Variants in MYO15A observed in about 807,000 individuals in gnomAD.
The protein encoded by MYO15A is unconventional myosin-XV.
Under a neutral mutation model 394.6 loss-of-function variants are expected in MYO15A, and 308 were observed. The observed-to-expected ratio is 0.78, with a 90% CI of 0.71 to 0.86. The LOEUF is 0.86. MYO15A is among the 40% of genes least tolerant of loss of function. The pLI, the probability that MYO15A is intolerant of heterozygous loss-of-function variation, is 0.00. For synonymous variants in MYO15A, 1,957 were observed against 2,003.8 expected (o/e 0.98, Z 0.62); for missense variants, 4,606 against 4,799.1 (o/e 0.96, Z 1.19).
At chr17:18,158,871 G>T in intron 52 of MYO15A, 54 bp from the exon 53 acceptor site, 1 of 1,601,986 alleles carries the variant, frequency 6.2e-7, no homozygotes, top group Non-Finnish European at 8.6e-7. Flanking sequence ...TGTGGAAAAG[G>T]ATGTAGCCAA....
chr17:18,129,024 C>T (rs563720076), intron 7 of MYO15A, among the ~76,000 whole-genome samples: 1 of 152,332 alleles, frequency 6.6e-6, no homozygotes, highest in Non-Finnish European at 1.5e-5. Context: ...GATCCAGAAT[C>T]TTAAACAATG....
At chr17:18,175,582 C>T (rs1414935362) in intron 65 of MYO15A, among the ~76,000 whole-genome samples, 3 of 151,890 alleles carry the variant, frequency 2.0e-5, no homozygotes, top group African/African-American at 7.3e-5. Flanking sequence ...ATGTGTAAGC[C>T]ACCACTCCTG....
rs749146534 is a variant in MYO15A, at chr17:18,119,334, C to A, written c.534C>A (p.Ala178=). The A allele has an allele frequency of 1.2e-6, 2 of 1,609,566 alleles. No homozygotes were observed. The highest frequency in any genetic ancestry group is 4.5e-5 in the East Asian group (2 of 44,840). ...GSRKLPFPSG[A]EILRPGGRLR... is the part of the protein sequence containing the mutation. ...GCAAACTCCCCTTCCCGTCGGGTGC[C>A]GAGATCCTGCGGCCTGGGGGCCGGC... Residue 178 remains alanine, a synonymous_variant, in exon 2 of 66, where the codon GCC becomes GCA. Coordinates refer to ENST00000647165, the MANE Select transcript of MYO15A (RefSeq NM_016239.4).
intron 65 of MYO15A, among the ~76,000 whole-genome samples, chr17:18,175,224 C>T (rs2046998224): frequency 6.6e-6 from 1 of 151,398 alleles, no homozygotes; most frequent in Admixed American, 6.6e-5. Context: ...CAGCCTTCTC[C>T]AGCCTTCTTG....
In MYO15A at chr17:18,157,716, C is replaced by T. The variant is rs2046700240; in HGVS notation, c.8789-6C>T. The T allele has an allele frequency of 1.9e-6, 3 of 1,605,350 alleles. No homozygotes were observed. The highest frequency in any genetic ancestry group is 2.5e-6 in the Non-Finnish European group (3 of 1,179,872). The stretch of plus-strand genomic sequence containing the variant: ...TGTTTGCCTCAGACCTTTTACCCAC[C>T]CCTAGGCTGGAGGTTCGGGACCATC... On this transcript the variant is annotated splice_polypyrimidine_tract_variant and splice_region_variant and intron_variant, in intron 50 of 65. Transcript: ENST00000647165.
In MYO15A at chr17:18,113,739, C is replaced by CA. The variant is rs72282387; in HGVS notation, c.-219-4829dup. 5.1e-3 allele frequency among the ~76,000 whole-genome samples: 612 copies of CA among 119,384 alleles called. 2 individuals are homozygous for CA. Among genetic ancestry groups the CA allele is most frequent in the African/African-American group, 0.011 (351 of 30,998 alleles). 78.3% of individuals were successfully genotyped at this position (119,384 alleles called of 152,430 possible). A position where few individuals can be genotyped will look rare whatever the true frequency, so the allele number is the denominator to read the frequency against. ...CCCGGTTGACGGAGTGAGACTGTCT[C>CA]AAAAAAAAAAAAAAGGCAAACATAA... On this transcript the variant is annotated intron_variant, in intron 1 of 65. Coordinates refer to ENST00000647165, the MANE Select transcript of MYO15A (RefSeq NM_016239.4).
intron 7 of MYO15A, among the ~76,000 whole-genome samples, chr17:18,127,840 T>G (rs924311508): frequency 3.8e-4 from 24 of 63,074 alleles, no homozygotes; most frequent in Admixed American, 4.8e-4. Flanking sequence ...AAAAGATATA[T>G]ATATATATAT....
Position 18,139,521 on chromosome 17 carries a change from T to C in MYO15A, c.5134-13T>C, listed in dbSNP as rs752482203. ...GAGGCCAGGATTACCCAGGCCATTGTTCCCCTTTTCAGGTGCACAAGTTCC... is the reference window on the plus strand; with the variant it reads ...GAGGCCAGGATTACCCAGGCCATTGCTCCCCTTTTCAGGTGCACAAGTTCC... On this transcript the variant is annotated splice_polypyrimidine_tract_variant and intron_variant, in intron 18 of 65. Transcript: ENST00000647165. 22 of 1,613,302 alleles carry C rather than the reference T, an allele frequency of 1.4e-5. No homozygotes were observed. Among genetic ancestry groups the C allele is most frequent in the Non-Finnish European group, 1.8e-5 (21 of 1,179,720 alleles).
chr17:18,136,527 G>T (rs375072121), intron 14 of MYO15A, 36 bp from the exon 15 acceptor site: 13 of 1,613,634 alleles, frequency 8.1e-6, no homozygotes, highest in Non-Finnish European at 1.0e-5. Flanking sequence ...ACCCCACCAC[G>T]GTGTCCTGCT....
intron 62 of MYO15A, among the ~76,000 whole-genome samples, chr17:18,169,115 A>AAATAAT (rs368379543): frequency 0.05 from 6,407 of 128,376 alleles, 205 homozygotes; most frequent in East Asian, 0.12. Context: ...CTCCATCTCA[A>AAATAAT]AATAATAATA....
chr17:18,168,252 A>AT (rs2046884611), intron 62 of MYO15A, among the ~76,000 whole-genome samples: 1 of 151,960 alleles, frequency 6.6e-6, no homozygotes, highest in Admixed American at 6.6e-5. Context: ...ACCAGGCTGA[A>AT]TTTTTTTATT....
At chr17:18,137,043 T>C (rs2046292527) in intron 15 of MYO15A, among the ~76,000 whole-genome samples, 1 of 152,114 alleles carries the variant, frequency 6.6e-6, no homozygotes, top group South Asian at 2.1e-4. Context: ...GGGAACAGAA[T>C]ATGCAAGGGC....
chr17:18,139,272 A>G, intron 18 of MYO15A: 1 of 607,740 alleles, frequency 1.6e-6, no homozygotes, highest in South Asian at 1.9e-5. Flanking sequence ...GTCTCAGGCT[A>G]GGATTCCATG....
rs1412161040 is a variant in MYO15A at position 18,130,795 on chromosome 17, G to T, written c.4033-10G>T. ...TGTCTCTTTGTCCTCCCTCCTGGAC[G>T]CTCTTGAAGATAAAGGTACTCAGTG... On this transcript the variant is annotated splice_polypyrimidine_tract_variant and intron_variant, in intron 7 of 65. Coordinates refer to ENST00000647165, the MANE Select transcript of MYO15A (RefSeq NM_016239.4). 4 of 1,594,600 alleles carry T rather than the reference G, an allele frequency of 2.5e-6. No homozygotes were observed. In the Admixed American group the frequency reaches 5.1e-5, roughly 20 times the overall value.
chr17:18,155,574 G>C (rs537115290), intron 47 of MYO15A, 142 bp downstream of exon 47: 60 of 818,404 alleles, frequency 7.3e-5, no homozygotes, highest in South Asian at 7.0e-4. Flanking sequence ...ACCCATTTTA[G>C]AGCTGGGGAA....
rs201459354 is a variant in MYO15A at position 18,145,862 on chromosome 17, C to T, written c.6274-10C>T. 911 of 1,612,448 alleles carry T rather than the reference C, an allele frequency of 5.6e-4. 9 individuals carry two copies. The South Asian group carries it at 5.7e-3, about 10-fold the overall frequency. ...TCTGAGATGCCCAGGAGACTCTGTT[C>T]GTGGCCCAGATCCTGCGCTTCATGG... On this transcript the variant is annotated splice_polypyrimidine_tract_variant and intron_variant, in intron 29 of 65. Transcript: ENST00000647165.
chr17:18,121,826 C>T lies in MYO15A; in HGVS notation c.3026C>T (p.Pro1009Leu). ...CTCACCAAATCAGCTGGCCCAACCC[C>T]TGAGAAGCCTGAAGAAGAGGCCACC... Reference protein sequence around the residue: ...GQLTKSAGPTPEKPEEEATLG... With the variant: ...GQLTKSAGPTLEKPEEEATLG... The change falls in exon 2 of 66, where the codon CCT becomes CTT. Residue 1009 changes from proline to leucine, a missense_variant. By Grantham distance (98) the Pro-to-Leu change is moderately conservative. Transcript: ENST00000647165. This position sits in a 1 kb window ranked among gnomAD's most constrained non-coding sequence, Gnocchi z 5.3. 1 of 1,612,882 alleles carries T rather than the reference C, an allele frequency of 6.2e-7. No individual in the cohort carries two copies. The highest frequency in any genetic ancestry group is 1.1e-5 in the South Asian group (1 of 91,088).
chr17:18,172,635 G>A (rs370131587), intron 64 of MYO15A: 38 of 370,832 alleles, frequency 1.0e-4, no homozygotes, highest in African/African-American at 6.3e-4. Context: ...GGAGGCTGGC[G>A]GTCCAAGGTC....
chr17:18,158,260 G>T (rs2046717255), intron 51 of MYO15A: 1 of 592,896 alleles, frequency 1.7e-6, no homozygotes, highest in Non-Finnish European at 3.0e-6. Context: ...GGCGGGGTCA[G>T]CTGTGACGTG....
Sources: gnomAD v4.1 joint callset for allele counts (sites outside exome capture counted in the v4.1 genomes callset) on GRCh38, gnomAD v4.1.1 for gene constraint, Gnocchi (gnomAD v3.1) non-coding constraint, MANE v1.5 for transcripts, NCBI Gene and HGNC (gene_info 2026-07-23, HGNC 2026-07-21) for gene names.